ANKRD28: variants seen among roughly 807,000 people sequenced by gnomAD.
ANKRD28 encodes the protein serine/threonine-protein phosphatase 6 regulatory ankyrin repeat subunit A.
Under a neutral mutation model 126.5 loss-of-function variants are expected in ANKRD28, and 44 were observed. That is an observed-to-expected ratio of 0.35 (90% CI 0.27 to 0.45). The LOEUF is 0.45. Among genes scored for constraint, ANKRD28 ranks in the 20% least tolerant of loss-of-function variants. The pLI, the probability that ANKRD28 is intolerant of heterozygous loss-of-function variation, is 1.00. For synonymous variants in ANKRD28, 442 were observed against 468.5 expected, an observed-to-expected ratio of 0.94 and a Z score of 0.73; for missense variants, 1,110 against 1,316.6, an observed-to-expected ratio of 0.84 and a Z score of 2.43.
chr3:15,714,506 T>A, intron 9 of ANKRD28, 72 bp downstream of exon 9: 2 of 1,093,312 alleles, frequency 1.8e-6, no homozygotes. Context: ...TACCATTCAT[T>A]TGGTGGATGT....
chr3:15,762,193 AAAAAAAAAAAAAAAAAAAAACAAAAC>A (rs1304093360), intron 3 of ANKRD28, among the ~76,000 whole-genome samples: 11 of 28,542 alleles, frequency 3.9e-4, no homozygotes, highest in Admixed American at 9.3e-4. Flanking sequence ...GTCTTTAAAA[AAAAAAAAAAAAAAAAAAAAACAAAAC>A]AAAAAAAAAA....
rs58003937 is a variant in ANKRD28 at position 15,828,492 on chromosome 3, C to G, written c.27+30885G>C. On this transcript the variant is annotated intron_variant, in intron 1 of 27. Coordinates refer to the ANKRD28 transcript ENST00000399451. The stretch of plus-strand genomic sequence containing the variant: ...TATTCTAAATATGTTTTCTGTTTCT[C>G]TAAACCATGAAGATAAACTGTGGGC... Among the ~76,000 whole-genome samples the G allele has an allele frequency of 3.5e-4, 54 of 152,192 alleles. No individual in the cohort carries two copies. In the East Asian group the frequency reaches 9.8e-3, roughly 28 times the overall value.
chr3:15,694,954 C>A, intron 16 of ANKRD28, 141 bp from the exon 17 acceptor site: 2 of 829,360 alleles, frequency 2.4e-6, no homozygotes, highest in Non-Finnish European at 3.9e-6. Flanking sequence ...TGAAAGTATA[C>A]TAAGGACCAC....
At chr3:15,714,274 T>C (rs1299625488) in intron 9 of ANKRD28, among the ~76,000 whole-genome samples, 1 of 152,090 alleles carries the variant, frequency 6.6e-6, no homozygotes. Flanking sequence ...CACACATTAA[T>C]ATATAATACA....
At position 15,711,233 on chromosome 3, in the gene ANKRD28, G is replaced by A; in HGVS notation, c.1315C>T (p.Leu439=). The A allele has an allele frequency of 6.2e-7, 1 of 1,612,712 alleles. No homozygotes were observed. The highest frequency in any genetic ancestry group is 8.5e-7 in the Non-Finnish European group (1 of 1,179,148). ...DTPDDFGRTC[L]HAAAAGGNLE... is the part of the protein sequence containing the mutation. ...TACCCTCCAGCTGCAGCTGCATGTA[G>A]ACAAGTCCTGCCAAAATCATCTGGG... is the stretch of plus-strand genomic sequence containing the variant. The change falls in exon 12 of 28, where the codon CTA becomes TTA. Residue 439 remains leucine, a synonymous_variant. Transcript: ENST00000683139.
intron 4 of ANKRD28, among the ~76,000 whole-genome samples, chr3:15,739,219 C>T (rs1297018937): frequency 6.6e-6 from 1 of 152,154 alleles, no homozygotes; most frequent in African/African-American, 2.4e-5. Context: ...AAAGTAAAGA[C>T]AGGCATAGGA....
chr3:15,777,498 A>G (rs2059335813), intron 2 of ANKRD28, among the ~76,000 whole-genome samples: 1 of 152,046 alleles, frequency 6.6e-6, no homozygotes, highest in African/African-American at 2.4e-5. Context: ...CTCACTGTAC[A>G]TATTTATCTT....
At position 15,838,549 on chromosome 3, in the gene ANKRD28, C is replaced by G. The variant is rs1400028507; in HGVS notation, c.27+20828G>C. Among the ~76,000 whole-genome samples, 1 of 152,068 alleles carries G rather than the reference C, an allele frequency of 6.6e-6. No homozygotes were observed. The highest frequency in any genetic ancestry group is 1.5e-5 in the Non-Finnish European group (1 of 68,008). On this transcript the variant is annotated intron_variant, in intron 1 of 27. Transcript: ENST00000399451. The surrounding 1 kb of genome is among the most constrained non-coding windows in gnomAD (Gnocchi z 4.0). ...AGGTCAGGAGTTTGAGACCAGCCTC[C>G]AGCCTGGCCAACATGGTGAAACCCC...
At chr3:15,811,439 A>C (rs1171124875) in intron 1 of ANKRD28, among the ~76,000 whole-genome samples, 3 of 152,202 alleles carry the variant, frequency 2.0e-5, no homozygotes, top group African/African-American at 7.2e-5. Context: ...GAGAAAAGAC[A>C]AAATAATTAC....
At chr3:15,738,137 A>G (rs1408067850) in intron 4 of ANKRD28, among the ~76,000 whole-genome samples, 1 of 152,184 alleles carries the variant, frequency 6.6e-6, no homozygotes, top group Non-Finnish European at 1.5e-5. Context: ...TCTTTCAGTG[A>G]TAATCCTAAT....
intron 12 of ANKRD28, among the ~76,000 whole-genome samples, chr3:15,710,009 A>G (rs2072011642): frequency 6.7e-6 from 1 of 149,906 alleles, no homozygotes; most frequent in Admixed American, 6.8e-5. Flanking sequence ...GATTCTGAGG[A>G]GGCTTTAGGA....
rs372907606 is a variant in ANKRD28 at position 15,713,548 on chromosome 3, G to A, written c.1169C>T (p.Thr390Ile). ...TTACTTTGCAGTGTCAGCACCACTT[G>A]TAATAAGAGTGTTGATCAGCAGCTC... ...GHELLINTLI[T>I]SGADTAKRGI... is the part of the protein sequence containing the mutation. The change falls in exon 10 of 28, where the codon ACA becomes ATA. Residue 390 changes from threonine (T) to isoleucine (I), a missense_variant. Coordinates refer to ENST00000683139, the MANE Select transcript of ANKRD28 (RefSeq NM_001349278.2). 12 of 1,611,500 alleles carry A rather than the reference G, an allele frequency of 7.4e-6. No individual in the cohort carries two copies. In the African/African-American group the frequency reaches 1.6e-4, roughly 22 times the overall value.
At chr3:15,708,106 A>C (rs749551054) in intron 13 of ANKRD28, 42 bp from the exon 14 acceptor site, 1 of 1,560,962 alleles carries the variant, frequency 6.4e-7, no homozygotes, top group Non-Finnish European at 8.7e-7. Context: ...AAAGCCAGAG[A>C]CATAACTAGT....
rs763041699 is a variant in ANKRD28, at chr3:15,708,009, C to T, written c.1462G>A (p.Val488Met). Reference protein sequence around the residue: ...NCNYQCLFALVGSGASVNDLD... With the variant: ...NCNYQCLFALMGSGASVNDLD... ...TCATTCACACTTGCTCCTGATCCCA[C>T]AAGAGCAAACAGGCACTGGTAATTG... The change falls in exon 14 of 28, where the codon GTG (valine) becomes ATG (methionine). Residue 488 changes from valine to methionine, a missense_variant. Physicochemically the swap from Val to Met is conservative, Grantham distance 21. Coordinates refer to ENST00000683139, the MANE Select transcript of ANKRD28 (RefSeq NM_001349278.2). 5.6e-6 allele frequency: 9 copies of T among 1,611,094 alleles called. No homozygotes were observed. The highest frequency in any genetic ancestry group is 5.1e-6 in the Non-Finnish European group (6 of 1,178,718).
chr3:15,698,654 A>G (rs529172459), intron 14 of ANKRD28, among the ~76,000 whole-genome samples: 8 of 152,298 alleles, frequency 5.3e-5, no homozygotes, highest in African/African-American at 1.7e-4. Context: ...CTACAAAGAG[A>G]GTAAAATACC....
chr3:15,734,655 T>A (rs2074893950), intron 6 of ANKRD28, among the ~76,000 whole-genome samples: 1 of 152,228 alleles, frequency 6.6e-6, no homozygotes, highest in Non-Finnish European at 1.5e-5. Context: ...TAAGGATTTA[T>A]GGCAAGGTGT....
intron 4 of ANKRD28, among the ~76,000 whole-genome samples, chr3:15,746,420 G>C (rs1168290391): frequency 6.6e-6 from 1 of 152,152 alleles, no homozygotes; most frequent in Admixed American, 6.5e-5. Flanking sequence ...AATCATAAAA[G>C]GATGCTGGAT....
intron 4 of ANKRD28, among the ~76,000 whole-genome samples, chr3:15,744,511 T>C (rs2057346345): frequency 6.7e-6 from 1 of 148,930 alleles, no homozygotes; most frequent in African/African-American, 2.5e-5. Context: ...GAGATGGGGT[T>C]TCACCATGTT....
intron 21 of ANKRD28, among the ~76,000 whole-genome samples, chr3:15,682,315 G>A (rs2067631956): frequency 6.6e-6 from 1 of 152,058 alleles, no homozygotes; most frequent in Non-Finnish European, 1.5e-5. Context: ...TAGTTCCTGA[G>A]ACCAAAGGGT....
Sources: allele counts gnomAD v4.1 joint callset (sites outside exome capture counted in the v4.1 genomes callset), GRCh38; gene constraint gnomAD v4.1.1; non-coding constraint Gnocchi (gnomAD v3.1); transcripts MANE v1.5; gene names NCBI Gene and HGNC (gene_info 2026-07-23, HGNC 2026-07-21).